The following AFG2A variants were observed in gnomAD, a reference collection of about 807,000 sequenced individuals.
AFG2A encodes AAA ATPase AFG2A, also known as ATPase family gene 2 protein homolog A.
At chr4:123,028,841 A>T in the AFG2A span, among the ~76,000 whole-genome samples, 1 of 152,340 alleles carries the variant, frequency 6.6e-6, no homozygotes, top group East Asian at 1.9e-4. Context: ...CAGAAAGTAT[A>T]TGTGCATTGT....
the AFG2A span, among the ~76,000 whole-genome samples, chr4:123,084,590 A>ATATGTG: frequency 2.2e-3 from 309 of 143,298 alleles, no homozygotes; most frequent in African/African-American, 6.4e-3. Context: ...GTATATATAT[A>ATATGTG]TGTGTGTGTG....
chr4:123,292,445 T>C, the AFG2A span, among the ~76,000 whole-genome samples: 1 of 152,196 alleles, frequency 6.6e-6, no homozygotes, highest in African/African-American at 2.4e-5. Flanking sequence ...AACTGTGCTT[T>C]TTATATTGCA....
At chr4:122,932,135 C>T in the AFG2A span, among the ~76,000 whole-genome samples, 45 of 151,628 alleles carry the variant, frequency 3.0e-4, no homozygotes, top group Non-Finnish European at 4.6e-4. Context: ...ATTAGCTGAG[C>T]GTGGTGGTGA....
At chr4:123,264,753 G>A in the AFG2A span, among the ~76,000 whole-genome samples, 1 of 152,138 alleles carries the variant, frequency 6.6e-6, no homozygotes, top group Admixed American at 6.5e-5. Flanking sequence ...AGAACAATAT[G>A]AGTTTAGCCA....
At chr4:123,240,760 A>C in the AFG2A span, among the ~76,000 whole-genome samples, 1 of 151,814 alleles carries the variant, frequency 6.6e-6, no homozygotes, top group African/African-American at 2.4e-5. Context: ...AGCTAGCAGA[A>C]GGCAAGAAAT....
chr4:123,143,961 T>G, the AFG2A span, among the ~76,000 whole-genome samples: 2 of 151,964 alleles, frequency 1.3e-5, no homozygotes, highest in South Asian at 2.1e-4. Context: ...CTATATAATG[T>G]TTTCATCGTA....
chr4:122,998,496 G>A, the AFG2A span, among the ~76,000 whole-genome samples: 2 of 150,842 alleles, frequency 1.3e-5, no homozygotes, highest in African/African-American at 4.9e-5. Flanking sequence ...AGAGTGTGAT[G>A]TTCCCCTTCC....
At chr4:123,047,844 A>G in the AFG2A span, among the ~76,000 whole-genome samples, 1 of 152,042 alleles carries the variant, frequency 6.6e-6, no homozygotes, top group Admixed American at 6.6e-5. Flanking sequence ...CTAGGAATAC[A>G]GGTGTGAACC....
chr4:123,189,504 T>C, the AFG2A span, among the ~76,000 whole-genome samples: 4 of 152,238 alleles, frequency 2.6e-5, no homozygotes, highest in Middle Eastern at 3.4e-3. Context: ...GAATCTCCGT[T>C]AACCCTCAAT....
chr4:123,057,876 G>A, the AFG2A span, among the ~76,000 whole-genome samples: 1 of 151,896 alleles, frequency 6.6e-6, no homozygotes, highest in Non-Finnish European at 1.5e-5. Context: ...CAAATGTATA[G>A]CGGTCCTTTA....
the AFG2A span, among the ~76,000 whole-genome samples, chr4:123,266,339 G>A: frequency 2.6e-5 from 4 of 151,862 alleles, no homozygotes; most frequent in Admixed American, 2.6e-4. Context: ...CTTCACAGTT[G>A]TCCAGATTAG....
the AFG2A span, among the ~76,000 whole-genome samples, chr4:123,077,889 A>G: frequency 6.6e-6 from 1 of 152,240 alleles, no homozygotes; most frequent in Admixed American, 6.5e-5. Context: ...ATTCCAGAAC[A>G]TTTCCATCAC....
the AFG2A span, among the ~76,000 whole-genome samples, chr4:123,138,289 G>A: frequency 1.1e-4 from 16 of 152,126 alleles, no homozygotes; most frequent in Non-Finnish European, 2.1e-4. Context: ...TGTACTCTGA[G>A]TCTGGTTTTG....
chr4:123,121,001 G>C, the AFG2A span, among the ~76,000 whole-genome samples: 2 of 152,136 alleles, frequency 1.3e-5, no homozygotes, highest in Non-Finnish European at 2.9e-5. Context: ...TATTGCCCTT[G>C]AATACCTTTC....
At chr4:123,311,695 A>G in the AFG2A span, among the ~76,000 whole-genome samples, 2 of 151,816 alleles carry the variant, frequency 1.3e-5, no homozygotes, top group Admixed American at 6.6e-5. Flanking sequence ...GAAGGAAAGT[A>G]AGTGATTCTG....
the AFG2A span, among the ~76,000 whole-genome samples, chr4:123,028,702 A>G: frequency 3.9e-5 from 6 of 152,170 alleles, no homozygotes; most frequent in Admixed American, 1.3e-4. Flanking sequence ...ATTTTTAATT[A>G]TAGACTTTTG....
chr4:123,138,027 A>G, the AFG2A span, among the ~76,000 whole-genome samples: 1 of 152,194 alleles, frequency 6.6e-6, no homozygotes. Context: ...GACAACATTA[A>G]GTTGCCTTTT....
the AFG2A span, among the ~76,000 whole-genome samples, chr4:123,058,964 G>A: frequency 1.3e-5 from 2 of 152,042 alleles, no homozygotes; most frequent in African/African-American, 4.8e-5. Flanking sequence ...TTCCACCTAT[G>A]AGCCTATAAA....
chr4:122,987,885 C>T, the AFG2A span, among the ~76,000 whole-genome samples: 2 of 152,042 alleles, frequency 1.3e-5, no homozygotes, highest in Non-Finnish European at 2.9e-5. Flanking sequence ...GGTTTGTATT[C>T]TTACCTTTAC....
Sources: gnomAD v4.1 joint callset for allele counts (sites outside exome capture counted in the v4.1 genomes callset) on GRCh38, gnomAD v4.1.1 for gene constraint, MANE v1.5 for transcripts, NCBI Gene and HGNC (gene_info 2026-07-23, HGNC 2026-07-21) for gene names.